The following DYNC1H1 variants were observed in gnomAD, a reference collection of about 807,000 sequenced individuals.
DYNC1H1 encodes dynein cytoplasmic 1 heavy chain 1, also known as cytoplasmic dynein 1 heavy chain 1.
A neutral mutation model predicts 527.1 loss-of-function variants in DYNC1H1; 51 were observed. That is an observed-to-expected ratio of 0.10 (90% CI 0.08 to 0.12). DYNC1H1 has a LOEUF of 0.12. Among genes scored for constraint, DYNC1H1 ranks in the 10% least tolerant of loss-of-function variants. The pLI is 1.00. For missense variants in DYNC1H1, 2,771 were observed against 5,971.8 expected (o/e 0.46, Z 17.66); for synonymous variants, 2,189 against 2,278.8 (o/e 0.96, Z 1.12).
At position 102,036,301 on chromosome 14, in the gene DYNC1H1, A is replaced by G; in HGVS notation, c.10755-188A>G. On this transcript the variant is annotated intron_variant, in intron 56 of 77. Coordinates refer to ENST00000360184, the MANE Select transcript of DYNC1H1 (RefSeq NM_001376.5). This position sits in a 1 kb window ranked among gnomAD's most constrained non-coding sequence, Gnocchi z 5.6. ...CTCCTCATGCCAATAGTTGTTCAAA[A>G]GGATGAGGTGATGTTAGCATTAAGC... is the stretch of plus-strand genomic sequence containing the variant. 4.6e-6 allele frequency: 3 copies of G among 653,432 alleles called. No individual in the cohort carries two copies. Among genetic ancestry groups the G allele is most frequent in the African/African-American group, 1.8e-5 (1 of 55,822 alleles). The allele number at this position is 653,432 out of a possible 1,614,324, so 40.5% of individuals were successfully genotyped here.
In DYNC1H1 at chr14:102,027,152, A is replaced by C. The variant is rs759808348; in HGVS notation, c.8772-22A>C. On this transcript the variant is annotated intron_variant, in intron 44 of 77. Transcript: ENST00000360184. This position sits in a 1 kb window ranked among gnomAD's most constrained non-coding sequence, Gnocchi z 7.7. ...TGAGGCATTATAAGCCTTAACATTG[A>C]TCAGTTCTCGTAATGTTTCAGAATA... The C allele has an allele frequency of 2.7e-5, 44 of 1,608,514 alleles. No homozygotes were observed. The highest frequency in any genetic ancestry group is 3.1e-5 in the Non-Finnish European group (37 of 1,174,988).
chr14:102,004,112 T>G (rs1024677615), intron 23 of DYNC1H1, among the ~76,000 whole-genome samples: 1 of 150,694 alleles, frequency 6.6e-6, no homozygotes. Flanking sequence ...GGCGTGGTGG[T>G]GGGCGCCTGT....
Position 102,038,361 on chromosome 14 carries a change from G to T in DYNC1H1, c.10909-99G>T. ...ACACGCAAGTGGCGGGTGGCTTTTG[G>T]GAAGGTATGCTTATCCAGAGTAGGA... On this transcript the variant is annotated intron_variant, in intron 57 of 77. Transcript: ENST00000360184. The surrounding 1 kb of genome is among the most constrained non-coding windows in gnomAD (Gnocchi z 7.2). 6.5e-7 allele frequency: 1 copy of T among 1,539,934 alleles called. No homozygotes were observed. The highest frequency in any genetic ancestry group is 1.2e-5 in the South Asian group (1 of 84,408).
At position 102,040,630 on chromosome 14, in the gene DYNC1H1, G is replaced by C. The variant is rs777166781; in HGVS notation, c.11898G>C (p.Pro3966=). Residue 3966 remains proline (P), a synonymous_variant, in exon 64 of 78, where the codon CCG becomes CCC. Transcript: ENST00000360184. ...GCATCTGGCTGGACAGCAGCTCCCC[G>C]GAGCAGACTGTGCCCTACCTCTGGA... ...QFGIWLDSSS[P]EQTVPYLWSE... is the part of the protein sequence containing the mutation. 2 of 1,614,066 alleles carry C rather than the reference G, an allele frequency of 1.2e-6. No individual in the cohort carries two copies. The highest frequency in any genetic ancestry group is 1.3e-5 in the African/African-American group (1 of 74,918).
chr14:101,982,922 T>G, intron 5 of DYNC1H1, 97 bp from the exon 6 acceptor site: 3 of 1,412,334 alleles, frequency 2.1e-6, no homozygotes, highest in Non-Finnish European at 3.0e-6. Context: ...GCTAGATATT[T>G]TGCAACATCA....
chr14:102,048,049 C>G, intron 73 of DYNC1H1, 21 bp downstream of exon 73: 2 of 1,598,980 alleles, frequency 1.3e-6, no homozygotes, highest in Non-Finnish European at 1.7e-6. Flanking sequence ...GGGTGGCGGG[C>G]CGGCCAGGTC....
At chr14:101,984,399 ATATGTGTGTG>A (rs1385812392) in intron 7 of DYNC1H1, among the ~76,000 whole-genome samples, 1 of 87,488 alleles carries the variant, frequency 1.1e-5, no homozygotes, top group African/African-American at 5.1e-5. Flanking sequence ...ATATGCGTAT[ATATGTGTGTG>A]TGTGTGTGTG....
In DYNC1H1 at chr14:101,997,553, A is replaced by G. The variant is rs141509351; in HGVS notation, c.3804+279A>G. 0.017 allele frequency among the ~76,000 whole-genome samples: 2,652 copies of G among 152,286 alleles called. 40 individuals carry two copies. The highest frequency in any genetic ancestry group is 0.025 in the Non-Finnish European group (1,674 of 68,028). ...TCTTACGTAGATATGCGCAGAAATT[A>G]GAGTTTAATTTCCTGTAGACAAAGG... On this transcript the variant is annotated intron_variant, in intron 16 of 77. Transcript: ENST00000360184. The surrounding 1 kb of genome is among the most constrained non-coding windows in gnomAD (Gnocchi z 4.8).
intron 27 of DYNC1H1, among the ~76,000 whole-genome samples, 160 bp downstream of exon 27, chr14:102,006,330 G>A (rs1595612038): frequency 6.6e-6 from 1 of 152,344 alleles, no homozygotes; most frequent in East Asian, 1.9e-4. Flanking sequence ...CACCTCCCGG[G>A]TTCAAGCCAT....
In DYNC1H1 at chr14:102,041,933, T is replaced by C; in HGVS notation, c.12103-80T>C. 1.3e-6 allele frequency: 2 copies of C among 1,538,054 alleles called. No individual in the cohort carries two copies. Among genetic ancestry groups the C allele is most frequent in the East Asian group, 2.3e-5 (1 of 44,024 alleles). On this transcript the variant is annotated intron_variant, in intron 65 of 77. Coordinates refer to ENST00000360184, the MANE Select transcript of DYNC1H1 (RefSeq NM_001376.5). The surrounding 1 kb of genome is among the most constrained non-coding windows in gnomAD (Gnocchi z 4.5). ...CAGAAAGAACATCTTCTCAGGCCCC[T>C]CACTCGGGGCTCTCCTTTCCCTTGA...
At position 102,019,256 on chromosome 14, in the gene DYNC1H1, A is replaced by T. The variant is rs540348151; in HGVS notation, c.8344-637A>T. ...CCCTGTATTCTGCAACATTTAAAAA[A>T]TAGTCATTAACAAAAATGTCTTTGC... On this transcript the variant is annotated intron_variant, in intron 41 of 77. Coordinates refer to ENST00000360184, the MANE Select transcript of DYNC1H1 (RefSeq NM_001376.5). 9.1e-4 allele frequency among the ~76,000 whole-genome samples: 139 copies of T among 152,368 alleles called. 1 individual carries two copies. The highest frequency in any genetic ancestry group is 1.3e-4 in the Non-Finnish European group (9 of 68,040).
In DYNC1H1 at chr14:101,980,563, A is replaced by G. The variant is rs746951871; in HGVS notation, c.961+13A>G. On this transcript the variant is annotated intron_variant, in intron 5 of 77. Transcript: ENST00000360184. Reference sequence around the variant, plus strand: ...GACACTGACACAGGTAACAACTAGAACTAATAATCTGATCAGTAAGTTATT... The same window carrying G: ...GACACTGACACAGGTAACAACTAGAGCTAATAATCTGATCAGTAAGTTATT... 1 of 1,613,598 alleles carries G rather than the reference A, an allele frequency of 6.2e-7. No individual in the cohort carries two copies. The highest frequency in any genetic ancestry group is 1.1e-5 in the South Asian group (1 of 90,998).
Position 101,983,012 on chromosome 14 carries a change from A to T in DYNC1H1, c.962-7A>T. The T allele has an allele frequency of 6.2e-7, 1 of 1,614,020 alleles. No homozygotes were observed. Among genetic ancestry groups the T allele is most frequent in the Non-Finnish European group, 8.5e-7 (1 of 1,179,966 alleles). The stretch of plus-strand genomic sequence containing the variant: ...GAAAACCATTAACTCTTTCTCTGTT[A>T]ATATAGGTCTAAAACAGGCTTTGGA... On this transcript the variant is annotated splice_region_variant and splice_polypyrimidine_tract_variant and intron_variant, in intron 5 of 77. Transcript: ENST00000360184. The surrounding 1 kb of genome is among the most constrained non-coding windows in gnomAD (Gnocchi z 5.3).
rs1259901626 is a variant in DYNC1H1, at chr14:102,039,354, A to G, written c.11461-58A>G. On this transcript the variant is annotated intron_variant, in intron 60 of 77. Transcript: ENST00000360184. The surrounding 1 kb of genome is among the most constrained non-coding windows in gnomAD (Gnocchi z 7.0). ...CTGCACAGTAGCTCCTTGGCCACGCAGAAGTTCAGCGGGGTGCCGAGGGAG... is the reference window on the plus strand; with the variant it reads ...CTGCACAGTAGCTCCTTGGCCACGCGGAAGTTCAGCGGGGTGCCGAGGGAG... 4 of 1,610,428 alleles carry G rather than the reference A, an allele frequency of 2.5e-6. No homozygotes were observed. Among genetic ancestry groups the G allele is most frequent in the East Asian group, 4.5e-5 (2 of 44,900 alleles).
chr14:101,988,779 A>T lies in DYNC1H1; in HGVS notation c.2795A>T (p.Asp932Val), dbSNP rs1228912585. ...CAGGTTCTTCTTGGACAAGCTGAAG[A>T]TAAAGCAGAAGTTGACATGGACACA... is the stretch of plus-strand genomic sequence containing the variant. ...WTQVLLGQAEDKAEVDMDTDA... is the reference protein window; with the variant it reads ...WTQVLLGQAEVKAEVDMDTDA... The change falls in exon 10 of 78, where the codon GAT (aspartate) becomes GTT (valine). Residue 932 changes from aspartate to valine, a missense_variant. Transcript: ENST00000360184. 6.2e-7 allele frequency: 1 copy of T among 1,614,242 alleles called. No homozygotes were observed.
rs777583611 is a variant in DYNC1H1 at position 102,034,374 on chromosome 14, G to A, written c.10676G>A (p.Arg3559His). ...GAATACCTTTCCAATGCTGATGAGC[G>A]TCTTCGCTGGCAGGCCAGCTCCTTG... ...RTEYLSNADERLRWQASSLPA... is the reference protein window; with the variant it reads ...RTEYLSNADEHLRWQASSLPA... Residue 3559 changes from arginine (R) to histidine (H), a missense_variant, in exon 56 of 78, where the codon CGT becomes CAT. Coordinates refer to ENST00000360184, the MANE Select transcript of DYNC1H1 (RefSeq NM_001376.5). 7 of 1,614,114 alleles carry A rather than the reference G, an allele frequency of 4.3e-6. No individual in the cohort carries two copies. The highest frequency in any genetic ancestry group is 1.3e-5 in the African/African-American group (1 of 75,058).
Position 102,040,309 on chromosome 14 carries a change from C to T in DYNC1H1, c.11764C>T (p.Pro3922Ser), listed in dbSNP as rs1288938461. 3.7e-6 allele frequency: 6 copies of T among 1,614,058 alleles called. No individual in the cohort carries two copies. Among genetic ancestry groups the T allele is most frequent in the Non-Finnish European group, 5.1e-6 (6 of 1,180,036 alleles). Residue 3922 changes from proline (P) to serine (S), a missense_variant, in exon 63 of 78, where the codon CCC becomes TCC. This residue lies in a region of DYNC1H1 where 120 missense variants were observed against 161.9 expected (regional missense o/e 0.74). Coordinates refer to ENST00000360184, the MANE Select transcript of DYNC1H1 (RefSeq NM_001376.5). ...NEIVLSAGST[P>S]RIQGLTVEQA... is the part of the protein sequence containing the mutation. ...GATTGTCCTGAGTGCTGGCTCCACC[C>T]CCAGGATCCAGGGCCTGACTGTGGA...
intron 51 of DYNC1H1, chr14:102,030,701 T>G (rs754714535): frequency 1.5e-5 from 4 of 258,690 alleles, no homozygotes; most frequent in Non-Finnish European, 2.3e-5. Flanking sequence ...AATTTAAGTA[T>G]TGATAGCAGT....
chr14:102,044,851 C>A lies in DYNC1H1; in HGVS notation c.13006+153C>A. Reference sequence around the variant, plus strand: ...CTGGGTGTGGCTCTGTCAGCCTCGGCCTTCCTGCCAGTCTCCAGCTGCTCC... The same window carrying A: ...CTGGGTGTGGCTCTGTCAGCCTCGGACTTCCTGCCAGTCTCCAGCTGCTCC... On this transcript the variant is annotated intron_variant, in intron 72 of 77. Coordinates refer to ENST00000360184, the MANE Select transcript of DYNC1H1 (RefSeq NM_001376.5). The surrounding 1 kb of genome is among the most constrained non-coding windows in gnomAD (Gnocchi z 7.1). The A allele has an allele frequency of 1.2e-6, 1 of 867,766 alleles. No individual in the cohort carries two copies. The highest frequency in any genetic ancestry group is 1.8e-6 in the Non-Finnish European group (1 of 555,046). 53.8% of individuals were successfully genotyped at this position (867,766 alleles called of 1,614,324 possible).
Sources: allele counts gnomAD v4.1 joint callset (sites outside exome capture counted in the v4.1 genomes callset), GRCh38; gene constraint gnomAD v4.1.1; regional missense constraint gnomAD v4.1.1; non-coding constraint Gnocchi (gnomAD v3.1); transcripts MANE v1.5; gene names NCBI Gene and HGNC (gene_info 2026-07-23, HGNC 2026-07-21).